RNF150: variants seen among roughly 807,000 people sequenced by gnomAD.
The protein encoded by RNF150 is ring finger protein 150.
Under a neutral mutation model 39.3 loss-of-function variants are expected in RNF150, and 24 were observed. The ratio of observed to expected loss-of-function variants is 0.61; its 90% CI spans 0.44 to 0.86. The LOEUF is 0.86. Among genes scored for constraint, RNF150 ranks in the 40% least tolerant of loss-of-function variants. The pLI, the probability that RNF150 is intolerant of heterozygous loss-of-function variation, is 0.00. For synonymous variants in RNF150, 255 were observed against 227.3 expected (o/e 1.12, Z -1.10); for missense variants, 502 against 587.8 (o/e 0.85, Z 1.51).
At chr4:141,014,322 C>T (rs1033279537) in intron 1 of RNF150, among the ~76,000 whole-genome samples, 1 of 152,192 alleles carries the variant, frequency 6.6e-6, no homozygotes, top group East Asian at 1.9e-4. Context: ...GATATTCCTT[C>T]CACATACTTA....
At chr4:141,156,622 A>T (rs1439818102) in intron 1 of RNF150, among the ~76,000 whole-genome samples, 2 of 151,582 alleles carry the variant, frequency 1.3e-5, no homozygotes, top group African/African-American at 4.8e-5. Flanking sequence ...GGCCAGGCAC[A>T]GTGGCTCACA....
chr4:141,195,655 G>A (rs1317086053), intron 1 of RNF150, among the ~76,000 whole-genome samples: 1 of 152,152 alleles, frequency 6.6e-6, no homozygotes, highest in African/African-American at 2.4e-5. Flanking sequence ...GGTAAAATTG[G>A]TAGAAAGGTT....
At chr4:141,050,691 T>C (rs1256584327) in intron 1 of RNF150, among the ~76,000 whole-genome samples, 1 of 152,210 alleles carries the variant, frequency 6.6e-6, no homozygotes, top group Non-Finnish European at 1.5e-5. Flanking sequence ...AAGAGGTGGG[T>C]TCCCATGGTC....
At chr4:141,168,544 C>A (rs1203766504) in intron 1 of RNF150, among the ~76,000 whole-genome samples, 1 of 152,124 alleles carries the variant, frequency 6.6e-6, no homozygotes, top group Non-Finnish European at 1.5e-5. Flanking sequence ...GGAACCAACC[C>A]AAATGCCCAT....
At chr4:141,057,214 T>C (rs898299789) in intron 1 of RNF150, among the ~76,000 whole-genome samples, 1 of 152,080 alleles carries the variant, frequency 6.6e-6, no homozygotes, top group Admixed American at 6.6e-5. Context: ...GGCAGGCATA[T>C]GGTAACATTC....
chr4:140,878,916 G>C (rs1352217489), intron 6 of RNF150, among the ~76,000 whole-genome samples: 2 of 152,170 alleles, frequency 1.3e-5, no homozygotes, highest in African/African-American at 4.8e-5. Flanking sequence ...TTCAGTTTGA[G>C]TGATTTTTTT....
intron 1 of RNF150, among the ~76,000 whole-genome samples, chr4:141,090,313 C>T (rs1738532360): frequency 6.6e-6 from 1 of 152,114 alleles, no homozygotes; most frequent in Non-Finnish European, 1.5e-5. Context: ...CTTGGATTTT[C>T]TGTTATTTGT....
intron 1 of RNF150, among the ~76,000 whole-genome samples, chr4:141,096,921 G>C (rs1738809545): frequency 6.6e-6 from 1 of 152,148 alleles, no homozygotes; most frequent in African/African-American, 2.4e-5. Flanking sequence ...TCCTTTGTTT[G>C]TTCACAATGG....
At chr4:141,167,797 A>G (rs1231232137) in intron 1 of RNF150, among the ~76,000 whole-genome samples, 3 of 152,198 alleles carry the variant, frequency 2.0e-5, no homozygotes, top group Non-Finnish European at 2.9e-5. Flanking sequence ...TTAACTCAAG[A>G]TGGATTAAAA....
At chr4:141,006,195 A>C (rs1468321135) in intron 1 of RNF150, among the ~76,000 whole-genome samples, 1 of 151,570 alleles carries the variant, frequency 6.6e-6, no homozygotes, top group Admixed American at 6.6e-5. Context: ...TAGGAAGGAA[A>C]TTATATATAT....
intron 1 of RNF150, among the ~76,000 whole-genome samples, chr4:141,206,230 C>T (rs979293179): frequency 2.0e-5 from 3 of 151,824 alleles, no homozygotes; most frequent in Non-Finnish European, 4.4e-5. Context: ...ACCAGTCTGG[C>T]CAACATGGTG....
chr4:140,932,516 T>C (rs1326309448), intron 4 of RNF150, among the ~76,000 whole-genome samples: 1 of 152,218 alleles, frequency 6.6e-6, no homozygotes, highest in Non-Finnish European at 1.5e-5. Context: ...GTCAGTGTTT[T>C]TACCCACTCT....
chr4:141,128,868 G>T (rs1726821733), intron 1 of RNF150, among the ~76,000 whole-genome samples: 1 of 152,244 alleles, frequency 6.6e-6, no homozygotes. Context: ...ACAAGACTAT[G>T]TTAAAAAGTA....
At chr4:140,951,551 GTTTT>G (rs35787999) in intron 2 of RNF150, among the ~76,000 whole-genome samples, 35 of 139,568 alleles carry the variant, frequency 2.5e-4, no homozygotes, top group Non-Finnish European at 3.8e-4. Context: ...TGTTGTTGTT[GTTTT>G]TTTTTTTTTT....
At chr4:140,991,684 T>C (rs1734202484) in intron 1 of RNF150, among the ~76,000 whole-genome samples, 1 of 152,138 alleles carries the variant, frequency 6.6e-6, no homozygotes. Context: ...CAGTTACATA[T>C]TTGGGTTGCT....
At chr4:141,118,267 T>C (rs1383808473) in intron 1 of RNF150, among the ~76,000 whole-genome samples, 4 of 152,194 alleles carry the variant, frequency 2.6e-5, no homozygotes, top group African/African-American at 7.2e-5. Flanking sequence ...CATACCCACC[T>C]GCATTTGAGG....
intron 1 of RNF150, among the ~76,000 whole-genome samples, chr4:141,155,543 T>C (rs1727376971): frequency 6.6e-6 from 1 of 152,146 alleles, no homozygotes; most frequent in South Asian, 2.1e-4. Flanking sequence ...GTTGGATAAG[T>C]ATACATATTA....
intron 1 of RNF150, among the ~76,000 whole-genome samples, chr4:141,078,811 ATATAT>A (rs1738026371): frequency 1.5e-4 from 10 of 68,842 alleles, no homozygotes; most frequent in East Asian, 4.2e-4. Flanking sequence ...AAAAAAAAAT[ATATAT>A]ATATATATAT....
At chr4:141,168,268 T>A (rs533159364) in intron 1 of RNF150, among the ~76,000 whole-genome samples, 1 of 152,284 alleles carries the variant, frequency 6.6e-6, no homozygotes, top group East Asian at 1.9e-4. Flanking sequence ...CGAGTTAGAA[T>A]GACGATCATT....
Sources: gnomAD v4.1 joint callset for allele counts (sites outside exome capture counted in the v4.1 genomes callset) on GRCh38, gnomAD v4.1.1 for gene constraint, MANE v1.5 for transcripts, NCBI Gene and HGNC (gene_info 2026-07-23, HGNC 2026-07-21) for gene names.